The following PDE11A variants were observed in gnomAD, a reference collection of about 807,000 sequenced individuals.
PDE11A encodes dual 3',5'-cyclic-AMP and -GMP phosphodiesterase 11A.
Under a neutral mutation model 100.5 loss-of-function variants are expected in PDE11A, and 100 were observed. The observed-to-expected ratio is 1.00, with a 90% confidence interval of 0.85 to 1.18. PDE11A has a LOEUF of 1.18. Ranked by LOEUF, PDE11A falls within the 50% of genes most tolerant of loss-of-function variation. The pLI, the probability that PDE11A is intolerant of heterozygous loss-of-function variation, is 0.00. For missense variants in PDE11A, 1,141 were observed against 1,152.6 expected (o/e 0.99, Z 0.15); for synonymous variants, 381 against 420.8 (o/e 0.91, Z 1.16).
chr2:177,646,212 G>A (rs893442039), intron 19 of PDE11A, among the ~76,000 whole-genome samples: 3 of 152,180 alleles, frequency 2.0e-5, no homozygotes, highest in African/African-American at 7.2e-5. Flanking sequence ...GATAGAGTTG[G>A]GAGTGGTGGG....
At chr2:177,747,136 C>T (rs1392930020) in intron 10 of PDE11A, among the ~76,000 whole-genome samples, 1 of 152,196 alleles carries the variant, frequency 6.6e-6, no homozygotes. Context: ...TGGGGAAACA[C>T]TGACCTGTTG....
intron 19 of PDE11A, among the ~76,000 whole-genome samples, chr2:177,631,570 C>A (rs112802512): frequency 6.4e-5 from 1 of 15,694 alleles, no homozygotes; most frequent in African/African-American, 2.1e-4. Flanking sequence ...TATATATATA[C>A]ATGTATATAT....
intron 1 of PDE11A, among the ~76,000 whole-genome samples, chr2:178,035,173 A>T (rs1180110358): frequency 2.0e-5 from 3 of 152,196 alleles, no homozygotes; most frequent in Admixed American, 1.3e-4. Context: ...AAATAGACAC[A>T]ATAAAAAATG....
At chr2:177,631,740 C>T (rs55792594) in intron 19 of PDE11A, among the ~76,000 whole-genome samples, 92,742 of 149,438 alleles carry the variant, frequency 0.62, 31,842 homozygotes, top group Admixed American at 0.74. Context: ...GATTTTTAAG[C>T]ATTCATACTT....
At chr2:177,762,945 C>T (rs1330515648) in intron 10 of PDE11A, among the ~76,000 whole-genome samples, 1 of 152,134 alleles carries the variant, frequency 6.6e-6, no homozygotes, top group African/African-American at 2.4e-5. Context: ...ATCTGGTTCC[C>T]CTCATGCTCA....
At chr2:177,844,042 A>G (rs1433697510) in intron 5 of PDE11A, among the ~76,000 whole-genome samples, 1 of 152,250 alleles carries the variant, frequency 6.6e-6, no homozygotes. Flanking sequence ...GCACAGGAAC[A>G]TAAATTAAGG....
chr2:177,954,638 T>A (rs2085539857), intron 2 of PDE11A, among the ~76,000 whole-genome samples: 1 of 152,188 alleles, frequency 6.6e-6, no homozygotes, highest in African/African-American at 2.4e-5. Flanking sequence ...AAGTGCCCCT[T>A]AGTTAATGCA....
At chr2:177,921,479 A>C (rs897210973) in intron 2 of PDE11A, among the ~76,000 whole-genome samples, 1 of 149,914 alleles carries the variant, frequency 6.7e-6, no homozygotes, top group Non-Finnish European at 1.5e-5. Flanking sequence ...AGCAAAAAAA[A>C]AAAAAGAAAA....
intron 2 of PDE11A, among the ~76,000 whole-genome samples, chr2:178,004,557 G>T (rs1055370695): frequency 1.3e-5 from 2 of 152,052 alleles, no homozygotes; most frequent in Non-Finnish European, 2.9e-5. Context: ...TAACAATTTT[G>T]CCTGCCAACA....
chr2:177,858,522 A>C (rs935443373), intron 5 of PDE11A, among the ~76,000 whole-genome samples: 5 of 152,176 alleles, frequency 3.3e-5, no homozygotes, highest in African/African-American at 1.2e-4. Context: ...CCATCAGAGA[A>C]ATGCAAATCA....
chr2:177,761,161 AAG>A (rs2082164187), intron 10 of PDE11A, among the ~76,000 whole-genome samples: 1 of 152,122 alleles, frequency 6.6e-6, no homozygotes, highest in East Asian at 1.9e-4. Flanking sequence ...TCCAGCGGGG[AAG>A]AGAGACACTA....
chr2:177,847,872 G>A (rs2083628179), intron 5 of PDE11A, among the ~76,000 whole-genome samples: 1 of 152,158 alleles, frequency 6.6e-6, no homozygotes, highest in Non-Finnish European at 1.5e-5. Flanking sequence ...AGAGGGCAGG[G>A]CTGGGATGCC....
At chr2:177,895,279 G>A (rs953193323) in intron 4 of PDE11A, among the ~76,000 whole-genome samples, 2 of 152,176 alleles carry the variant, frequency 1.3e-5, no homozygotes, top group Non-Finnish European at 2.9e-5. Flanking sequence ...TGGGCCGGGT[G>A]CTGTGGCTCA....
chr2:177,690,824 T>A (rs1374553552), intron 15 of PDE11A, among the ~76,000 whole-genome samples: 5 of 152,224 alleles, frequency 3.3e-5, no homozygotes, highest in African/African-American at 1.2e-4. Flanking sequence ...AATTATTTGC[T>A]TAAATCATGC....
At chr2:177,740,004 T>C (rs973030002) in intron 10 of PDE11A, among the ~76,000 whole-genome samples, 1 of 152,202 alleles carries the variant, frequency 6.6e-6, no homozygotes, top group East Asian at 1.9e-4. Context: ...TGTTCCTGAA[T>C]ACACACACAA....
chr2:177,711,899 G>A, intron 12 of PDE11A, 21 bp from the exon 13 acceptor site: 1 of 1,317,912 alleles, frequency 7.6e-7, no homozygotes, highest in Non-Finnish European at 1.1e-6. Flanking sequence ...GGGGAAAATG[G>A]CAACAGTCAC....
At chr2:177,924,464 A>G (rs2105757396) in intron 2 of PDE11A, among the ~76,000 whole-genome samples, 1 of 152,320 alleles carries the variant, frequency 6.6e-6, no homozygotes, top group South Asian at 2.1e-4. Context: ...TGACTTCTCT[A>G]ACACTTATTC....
chr2:178,095,540 G>C (rs1231560128), intron 2 of PDE11A, among the ~76,000 whole-genome samples: 1 of 152,200 alleles, frequency 6.6e-6, no homozygotes, highest in Non-Finnish European at 1.5e-5. Context: ...CATGCAAGCT[G>C]TTGGTGGATC....
chr2:177,932,804 G>A (rs2085223809), intron 2 of PDE11A, among the ~76,000 whole-genome samples: 1 of 151,246 alleles, frequency 6.6e-6, no homozygotes, highest in East Asian at 1.9e-4. Context: ...AGCACTGGAG[G>A]TGCTAGCCAG....
Sources: gnomAD v4.1 joint callset for allele counts (sites outside exome capture counted in the v4.1 genomes callset) on GRCh38, gnomAD v4.1.1 for gene constraint, MANE v1.5 for transcripts, NCBI Gene and HGNC (gene_info 2026-07-23, HGNC 2026-07-21) for gene names.